The following SEMA4F variants were observed in gnomAD, a reference collection of about 807,000 sequenced individuals.
The protein encoded by SEMA4F is ssemaphorin 4F, also known as semaphorin-4F.
In SEMA4F, 51 loss-of-function variants were observed where a neutral mutation model predicts 78.4. That is an observed-to-expected ratio of 0.65 (90% CI 0.52 to 0.82). The LOEUF is 0.82. Among genes scored for constraint, SEMA4F ranks in the 40% least tolerant of loss-of-function variants. The pLI is 0.00. For missense variants in SEMA4F, 938 were observed against 1,014.4 expected (o/e 0.92, Z 1.02); for synonymous variants, 418 against 408.7 (o/e 1.02, Z -0.27).
chr2:74,708,894 G>A, the SEMA4F span, among the ~76,000 whole-genome samples: 2 of 152,140 alleles, frequency 1.3e-5, no homozygotes, highest in Non-Finnish European at 2.9e-5. Context: ...GGCTGGGTGC[G>A]GTGGTTCACC....
chr2:74,664,263 T>G (rs1397193910), intron 5 of SEMA4F, among the ~76,000 whole-genome samples: 1 of 152,264 alleles, frequency 6.6e-6, no homozygotes, highest in East Asian at 1.9e-4. Context: ...TTTTGTCATG[T>G]AATTTTATAT....
rs1367644345 is a variant in SEMA4F at position 74,673,534 on chromosome 2, G to A, written c.628G>A (p.Glu210Lys). 11 of 1,614,042 alleles carry A rather than the reference G, an allele frequency of 6.8e-6. No individual in the cohort carries two copies. The highest frequency in any genetic ancestry group is 4.5e-5 in the East Asian group (2 of 44,890). ...TATCACCAGAGCAGTGGGTCGTGCCGAGGACTGGATTCGGACAGATACCTT... is the reference window on the plus strand; with the variant it reads ...TATCACCAGAGCAGTGGGTCGTGCCAAGGACTGGATTCGGACAGATACCTT... ...PIITRAVGRAEDWIRTDTLPS... is the reference protein window; with the variant it reads ...PIITRAVGRAKDWIRTDTLPS... The change falls in exon 6 of 14, where the codon GAG (glutamate) becomes AAG (lysine). Residue 210 changes from glutamate to lysine, a missense_variant. Transcript: ENST00000357877.
intron 12 of SEMA4F, among the ~76,000 whole-genome samples, chr2:74,678,094 A>G (rs1348884282): frequency 2.0e-5 from 3 of 152,138 alleles, no homozygotes; most frequent in Non-Finnish European, 4.4e-5. Context: ...CTGGTCTTTT[A>G]GTTTTTTGGG....
At chr2:74,654,710 C>T (rs1684027527) in intron 1 of SEMA4F, among the ~76,000 whole-genome samples, 189 bp downstream of exon 1, 1 of 152,178 alleles carries the variant, frequency 6.6e-6, no homozygotes, top group Non-Finnish European at 1.5e-5. Flanking sequence ...ATCCCTCCCG[C>T]GCCCCTCAGC....
intron 4 of SEMA4F, among the ~76,000 whole-genome samples, chr2:74,661,518 G>T (rs1684422788): frequency 6.6e-6 from 1 of 152,188 alleles, no homozygotes; most frequent in African/African-American, 2.4e-5. Context: ...CACATCTCTA[G>T]AGTGCCCAAC....
intron 9 of SEMA4F, 43 bp downstream of exon 9, chr2:74,675,078 G>C: frequency 6.2e-7 from 1 of 1,613,664 alleles, no homozygotes; most frequent in Non-Finnish European, 8.5e-7. Flanking sequence ...GTCAAGAGCT[G>C]CTATTAAGGC....
At chr2:74,665,071 C>G (rs1449390162) in intron 5 of SEMA4F, among the ~76,000 whole-genome samples, 2 of 151,944 alleles carry the variant, frequency 1.3e-5, no homozygotes, top group African/African-American at 4.8e-5. Flanking sequence ...TTTTTGCCAA[C>G]TTTATCATAA....
At chr2:74,675,458 A>G in intron 10 of SEMA4F, 67 bp from the exon 11 acceptor site, 2 of 1,592,788 alleles carry the variant, frequency 1.3e-6, no homozygotes, top group Non-Finnish European at 1.7e-6. Flanking sequence ...ACTGTAATAC[A>G]TATAGGTCTG....
chr2:74,704,956 A>G, the SEMA4F span, among the ~76,000 whole-genome samples: 1 of 152,172 alleles, frequency 6.6e-6, no homozygotes, highest in African/African-American at 2.4e-5. Context: ...CCAAGGGTCC[A>G]TCAGTTTCAT....
chr2:74,690,426 A>G, the SEMA4F span, among the ~76,000 whole-genome samples: 1 of 152,134 alleles, frequency 6.6e-6, no homozygotes, highest in East Asian at 1.9e-4. Flanking sequence ...GACGATGAAG[A>G]GGTGGGGAAG....
chr2:74,659,903 C>T (rs1684342735), intron 4 of SEMA4F, among the ~76,000 whole-genome samples: 1 of 152,158 alleles, frequency 6.6e-6, no homozygotes, highest in Non-Finnish European at 1.5e-5. Flanking sequence ...AAAGGAAATT[C>T]CAGCATTGGA....
chr2:74,675,490 T>C, intron 10 of SEMA4F, 35 bp from the exon 11 acceptor site: 1 of 1,601,296 alleles, frequency 6.2e-7, no homozygotes, highest in Non-Finnish European at 8.6e-7. Flanking sequence ...CAGGGGCAAT[T>C]ATGTAATTAT....
intron 1 of SEMA4F, among the ~76,000 whole-genome samples, chr2:74,654,974 C>G (rs561374395): frequency 6.6e-6 from 1 of 152,222 alleles, no homozygotes; most frequent in Non-Finnish European, 1.5e-5. Context: ...TCAGACCCAT[C>G]AGTCTTTCAT....
Position 74,665,785 on chromosome 2 carries a change from T to C in SEMA4F, c.550+2960T>C, listed in dbSNP as rs191120275. 2.4e-3 allele frequency among the ~76,000 whole-genome samples: 368 copies of C among 152,312 alleles called. 2 individuals are homozygous for C. The highest frequency in any genetic ancestry group is 4.0e-3 in the Non-Finnish European group (274 of 68,016). The stretch of plus-strand genomic sequence containing the variant: ...CTCAGAGTCATTAAAGATTTCTGAG[T>C]TTTCGTGGTTGTGATATCTCTTGAG... On this transcript the variant is annotated intron_variant, in intron 5 of 13. Transcript: ENST00000357877.
In SEMA4F at chr2:74,673,451, C is replaced by T; in HGVS notation, c.551-6C>T. ...GATAGCCCATCTCCTCCCTGTCGCC[C>T]TGCAGGGGGGGTCCTCTATGCTGCC... On this transcript the variant is annotated splice_polypyrimidine_tract_variant and splice_region_variant and intron_variant, in intron 5 of 13. Transcript: ENST00000357877. 1 of 1,613,954 alleles carries T rather than the reference C, an allele frequency of 6.2e-7. No individual in the cohort carries two copies. Among genetic ancestry groups the T allele is most frequent in the Non-Finnish European group, 8.5e-7 (1 of 1,179,948 alleles).
At chr2:74,706,708 C>G in the SEMA4F span, among the ~76,000 whole-genome samples, 1 of 152,214 alleles carries the variant, frequency 6.6e-6, no homozygotes, top group Non-Finnish European at 1.5e-5. Flanking sequence ...CGGTTAATCT[C>G]TTTGCATTTA....
At chr2:74,686,081 G>C (rs1685816851), downstream of SEMA4F, among the ~76,000 whole-genome samples, 1 of 151,840 alleles carries the variant, frequency 6.6e-6, no homozygotes, top group Admixed American at 6.6e-5. Context: ...AGAGGATGTG[G>C]AGAAATAGGA....
At chr2:74,695,490 G>A in the SEMA4F span, among the ~76,000 whole-genome samples, 5 of 152,114 alleles carry the variant, frequency 3.3e-5, no homozygotes, top group Non-Finnish European at 1.5e-5. Context: ...TCTACCCATG[G>A]ATTTCTGTTA....
At chr2:74,696,558 A>G in the SEMA4F span, among the ~76,000 whole-genome samples, 1 of 151,980 alleles carries the variant, frequency 6.6e-6, no homozygotes, top group Non-Finnish European at 1.5e-5. Flanking sequence ...AATACAATCA[A>G]ATATAAAAAT....
Sources: allele counts gnomAD v4.1 joint callset (sites outside exome capture counted in the v4.1 genomes callset), GRCh38; gene constraint gnomAD v4.1.1; transcripts MANE v1.5; gene names NCBI Gene and HGNC (gene_info 2026-07-23, HGNC 2026-07-21).